Variants in MACROD2 observed in about 807,000 individuals in gnomAD.
MACROD2 encodes mono-ADP ribosylhydrolase 2, also known as ADP-ribose glycohydrolase MACROD2.
Under a neutral mutation model 70.4 loss-of-function variants are expected in MACROD2, and 36 were observed. That is an observed-to-expected ratio of 0.51 (90% confidence interval 0.39 to 0.68). The LOEUF (loss-of-function observed/expected upper bound fraction) is 0.68. Among genes scored for constraint, MACROD2 ranks in the 30% least tolerant of loss-of-function variants. The pLI, the probability that MACROD2 is intolerant of heterozygous loss-of-function variation, is 0.00. For synonymous variants in MACROD2, 172 were observed against 178.8 expected (o/e 0.96, Z 0.30); for missense variants, 496 against 538.4 (o/e 0.92, Z 0.78).
intron 6 of MACROD2, among the ~76,000 whole-genome samples, chr20:15,349,891 A>C (rs549507627): frequency 1.4e-4 from 21 of 152,158 alleles, no homozygotes; most frequent in Non-Finnish European, 2.5e-4. Flanking sequence ...GGGGGACCTC[A>C]TCTTGGCTGG....
intron 5 of MACROD2, among the ~76,000 whole-genome samples, chr20:15,024,592 A>C (rs1035924466): frequency 2.6e-5 from 4 of 151,992 alleles, no homozygotes; most frequent in Non-Finnish European, 4.4e-5. Flanking sequence ...GTGATACTCT[A>C]TATTGCATTT....
chr20:16,049,625 C>G (rs2067431242), intron 17 of MACROD2, among the ~76,000 whole-genome samples: 1 of 152,160 alleles, frequency 6.6e-6, no homozygotes, highest in Admixed American at 6.6e-5. Context: ...CATTTATTAA[C>G]AGTGATTTAT....
intron 17 of MACROD2, among the ~76,000 whole-genome samples, chr20:16,047,251 A>G (rs925934294): frequency 6.6e-6 from 1 of 152,176 alleles, no homozygotes; most frequent in African/African-American, 2.4e-5. Context: ...TCATACCTTC[A>G]AGGAAATTAA....
intron 3 of MACROD2, among the ~76,000 whole-genome samples, chr20:14,333,023 A>C (rs2122620795): frequency 6.6e-6 from 1 of 152,138 alleles, no homozygotes; most frequent in South Asian, 2.1e-4. Flanking sequence ...CTGGTAGTTA[A>C]ATTTTCCATG....
At chr20:14,877,420 T>C (rs979068066) in intron 5 of MACROD2, among the ~76,000 whole-genome samples, 3 of 152,062 alleles carry the variant, frequency 2.0e-5, no homozygotes, top group African/African-American at 4.8e-5. Context: ...TTGACTTTTT[T>C]TTCCTATTTG....
chr20:15,933,414 T>G, intron 11 of MACROD2, 76 bp downstream of exon 11: 1 of 1,346,742 alleles, frequency 7.4e-7, no homozygotes, highest in Non-Finnish European at 1.0e-6. Context: ...TCAATGCTAT[T>G]GTCTGAAAAT....
intron 8 of MACROD2, among the ~76,000 whole-genome samples, chr20:15,657,795 C>T (rs943083898): frequency 2.0e-5 from 3 of 152,130 alleles, no homozygotes; most frequent in Admixed American, 2.0e-4. Flanking sequence ...GAGTTTGAGA[C>T]CAGCCTGGCC....
chr20:15,683,237 C>T (rs1387181155), intron 8 of MACROD2, among the ~76,000 whole-genome samples: 1 of 152,152 alleles, frequency 6.6e-6, no homozygotes, highest in Non-Finnish European at 1.5e-5. Context: ...TTAATCTTCT[C>T]GTGGCACTTA....
At chr20:14,943,948 G>T (rs183688015) in intron 5 of MACROD2, among the ~76,000 whole-genome samples, 1 of 152,022 alleles carries the variant, frequency 6.6e-6, no homozygotes, top group African/African-American at 2.4e-5. Flanking sequence ...TTGTCTTAAG[G>T]TTATCACCAT....
chr20:14,605,646 A>G (rs1329687581), intron 4 of MACROD2, among the ~76,000 whole-genome samples: 2 of 152,118 alleles, frequency 1.3e-5, no homozygotes, highest in African/African-American at 4.8e-5. Context: ...AATTTTTTCA[A>G]TCACTGTTAA....
At position 15,745,668 on chromosome 20, in the gene MACROD2, G is replaced by A. The variant is rs779861869; in HGVS notation, c.646-117077G>A. On this transcript the variant is annotated intron_variant, in intron 8 of 17. Transcript: ENST00000684519. ...AAGTATTTTCCTATATAAGGAAATG[G>A]CAATATTCCCCTATATTGTCGTCTA... Among the ~76,000 whole-genome samples the A allele has an allele frequency of 3.4e-4, 51 of 152,164 alleles. No homozygotes were observed. In the Middle Eastern group the frequency reaches 0.01, roughly 30 times the overall value.
chr20:15,000,398 T>A (rs926122345), intron 5 of MACROD2, among the ~76,000 whole-genome samples: 1 of 122,406 alleles, frequency 8.2e-6, no homozygotes, highest in Admixed American at 8.1e-5. Context: ...CCGAGGCGGG[T>A]GGATCATGAG....
chr20:15,616,517 G>A (rs948336103), intron 8 of MACROD2, among the ~76,000 whole-genome samples: 5 of 152,126 alleles, frequency 3.3e-5, no homozygotes, highest in Admixed American at 3.3e-4. Context: ...TAGCTCATTA[G>A]TGTTAACCTA....
chr20:15,219,874 A>C (rs1381869904), intron 5 of MACROD2, among the ~76,000 whole-genome samples: 1 of 152,168 alleles, frequency 6.6e-6, no homozygotes, highest in African/African-American at 2.4e-5. Context: ...TCTCTAAAAC[A>C]AAGCAGATTT....
chr20:15,565,714 C>G (rs866935206), intron 8 of MACROD2, among the ~76,000 whole-genome samples: 11 of 152,114 alleles, frequency 7.2e-5, no homozygotes, highest in Admixed American at 7.2e-4. Context: ...TTCCTGGGCT[C>G]AAGCAATCCT....
At chr20:14,225,436 A>G (rs1007784773) in intron 3 of MACROD2, among the ~76,000 whole-genome samples, 3 of 152,332 alleles carry the variant, frequency 2.0e-5, no homozygotes. Flanking sequence ...ATTAACATGT[A>G]GTTATTCTCT....
At chr20:15,049,948 A>AG (rs1043049899) in intron 5 of MACROD2, among the ~76,000 whole-genome samples, 1 of 150,002 alleles carries the variant, frequency 6.7e-6, no homozygotes, top group African/African-American at 2.5e-5. Context: ...ACTCTGTCTC[A>AG]GGAAAAAAAA....
At chr20:15,470,485 G>A in intron 7 of MACROD2, among the ~76,000 whole-genome samples, 1 of 152,144 alleles carries the variant, frequency 6.6e-6, no homozygotes, top group East Asian at 1.9e-4. Context: ...GGTTGGAGGG[G>A]GAAACTACTC....
intron 5 of MACROD2, among the ~76,000 whole-genome samples, chr20:15,112,950 C>CTGCGTGTGTGTGTGTGTGTGTG (rs2075965666): frequency 6.8e-6 from 1 of 146,002 alleles, no homozygotes; most frequent in Non-Finnish European, 1.5e-5. Context: ...TAATATTTCA[C>CTGCGTGTGTGTGTGTGTGTGTG]TGTGTGTGTG....
Sources: allele counts gnomAD v4.1 joint callset (sites outside exome capture counted in the v4.1 genomes callset), GRCh38; gene constraint gnomAD v4.1.1; transcripts MANE v1.5; gene names NCBI Gene and HGNC (gene_info 2026-07-23, HGNC 2026-07-21).